KCTD9: variants seen among roughly 807,000 people sequenced by gnomAD.
KCTD9 encodes the protein BTB/POZ domain-containing protein KCTD9.
KCTD9 carries 17 observed loss-of-function variants against 53.3 expected under a neutral mutation model. The ratio of observed to expected loss-of-function variants is 0.32; its 90% CI spans 0.22 to 0.48. The LOEUF is 0.48. KCTD9 is among the 20% of genes least tolerant of loss of function. KCTD9 has a pLI of 0.99. For synonymous variants in KCTD9, 128 were observed against 162.7 expected, an observed-to-expected ratio of 0.79 and a Z score of 1.62; for missense variants, 179 against 465.5, an observed-to-expected ratio of 0.38 and a Z score of 5.66.
chr8:25,432,633 A>G lies in KCTD9; in HGVS notation c.924T>C (p.Ala308=). 1 of 1,610,970 alleles carries G rather than the reference A, an allele frequency of 6.2e-7. No individual in the cohort carries two copies. Among genetic ancestry groups the G allele is most frequent in the Non-Finnish European group, 8.5e-7 (1 of 1,178,578 alleles). The change falls in exon 11 of 12, where the codon GCT becomes GCC. Residue 308 remains alanine (A), a synonymous_variant. Transcript: ENST00000221200. ...CTTCCATATCCACACCTTTCAGATT[A>G]GCACCTACAGTGAACACATTCTGGG... The part of the protein sequence containing the change: ...PSGLKANLEG[A]NLKGVDMEGS...
chr8:25,457,436 T>C, intron 1 of KCTD9: 1 of 938,502 alleles, frequency 1.1e-6, no homozygotes, highest in Non-Finnish European at 1.3e-6. Flanking sequence ...AGGAAGAGAA[T>C]TCGTTTTGGC....
At chr8:25,451,399 T>A (rs1228682762) in intron 1 of KCTD9, 2 of 152,200 alleles carry the variant, frequency 1.3e-5, no homozygotes, top group South Asian at 2.1e-4. Flanking sequence ...TAGTATATAC[T>A]AAGATTGTTT....
chr8:25,434,322 C>T (rs1043013841), intron 9 of KCTD9, among the ~76,000 whole-genome samples: 1 of 152,108 alleles, frequency 6.6e-6, no homozygotes, highest in Non-Finnish European at 1.5e-5. Context: ...ATGGTCTTGA[C>T]CTCAAGTGAT....
At chr8:25,433,188 T>G in intron 10 of KCTD9, 142 bp downstream of exon 10, 1 of 431,818 alleles carries the variant, frequency 2.3e-6, no homozygotes. Flanking sequence ...TCTTACCACT[T>G]TGGAAGTTCT....
chr8:25,450,455 C>G (rs1802299321), intron 1 of KCTD9: 5 of 983,474 alleles, frequency 5.1e-6, no homozygotes, highest in Non-Finnish European at 6.0e-6. Flanking sequence ...TTTTGTGTGA[C>G]AGTCATATTC....
chr8:25,451,881 C>T (rs528764498), intron 1 of KCTD9, among the ~76,000 whole-genome samples: 8 of 152,100 alleles, frequency 5.3e-5, no homozygotes, highest in Non-Finnish European at 1.0e-4. Flanking sequence ...TTGAATTCAA[C>T]TTTTATTGCC....
chr8:25,455,193 C>A (rs1025518368), intron 1 of KCTD9, among the ~76,000 whole-genome samples: 3 of 151,858 alleles, frequency 2.0e-5, no homozygotes, highest in African/African-American at 7.3e-5. Flanking sequence ...CCACTTCACT[C>A]CAGCCTGGGT....
intron 1 of KCTD9, among the ~76,000 whole-genome samples, chr8:25,457,941 C>T (rs907050042): frequency 4.6e-5 from 7 of 150,956 alleles, no homozygotes; most frequent in Middle Eastern, 3.2e-3. Context: ...ACCAAGCATC[C>T]GGGAGACCCG....
intron 11 of KCTD9, among the ~76,000 whole-genome samples, 193 bp downstream of exon 11, chr8:25,432,311 A>G (rs555442452): frequency 1.6e-4 from 25 of 152,358 alleles, no homozygotes; most frequent in Admixed American, 9.1e-4. Context: ...TAGATAACAC[A>G]TCTATCAAAC....
intron 3 of KCTD9, among the ~76,000 whole-genome samples, chr8:25,442,536 T>C (rs1189413625): frequency 2.6e-5 from 4 of 152,214 alleles, no homozygotes; most frequent in Non-Finnish European, 5.9e-5. Context: ...AGATGGTGGA[T>C]GGCAATGGCA....
chr8:25,437,473 G>A (rs1412110768), intron 6 of KCTD9, among the ~76,000 whole-genome samples: 34 of 151,934 alleles, frequency 2.2e-4, no homozygotes, highest in Admixed American at 8.5e-4. Context: ...TCAGGAGTTC[G>A]AGACCAGCCT....
intron 1 of KCTD9, chr8:25,450,491 G>T: frequency 1.0e-6 from 1 of 974,874 alleles, no homozygotes; most frequent in Non-Finnish European, 1.2e-6. Flanking sequence ...ACTGTCATTA[G>T]GGTAAAAAAA....
intron 1 of KCTD9, chr8:25,450,426 T>C (rs1325530608): frequency 2.0e-6 from 2 of 984,428 alleles, no homozygotes; most frequent in Admixed American, 6.1e-5. Flanking sequence ...ATGTTGAGTG[T>C]TGAAGTAGGA....
At chr8:25,448,778 G>C (rs1398393327) in intron 1 of KCTD9, among the ~76,000 whole-genome samples, 1 of 152,088 alleles carries the variant, frequency 6.6e-6, no homozygotes, top group African/African-American at 2.4e-5. Flanking sequence ...AGCCGGGCGT[G>C]GTGGCGTGTG....
At chr8:25,455,781 G>T (rs749476395) in intron 1 of KCTD9, among the ~76,000 whole-genome samples, 3 of 152,202 alleles carry the variant, frequency 2.0e-5, no homozygotes, top group Non-Finnish European at 4.4e-5. Context: ...ACATGTGAAG[G>T]CCGTCCCTTC....
Position 25,450,531 on chromosome 8 carries a change from T to G in KCTD9, c.49-4281A>C, listed in dbSNP as rs539172016. On this transcript the variant is annotated intron_variant, in intron 1 of 11. Coordinates refer to ENST00000221200, the MANE Select transcript of KCTD9 (RefSeq NM_017634.4). Reference sequence around the variant, plus strand: ...CAGTATAAATGCAATTCTAAAGCAGTCTGGGCATGGTGGCTCAAGCCTGTA... The same window carrying G: ...CAGTATAAATGCAATTCTAAAGCAGGCTGGGCATGGTGGCTCAAGCCTGTA... 3.8e-5 allele frequency: 33 copies of G among 861,080 alleles called. 1 individual carries two copies. The highest frequency in any genetic ancestry group is 4.5e-5 in the Non-Finnish European group (32 of 716,722). The allele number at this position is 861,080 out of a possible 1,614,324, so 53.3% of individuals were successfully genotyped here.
intron 1 of KCTD9, among the ~76,000 whole-genome samples, chr8:25,449,523 T>G (rs1802278964): frequency 6.6e-6 from 1 of 152,030 alleles, no homozygotes; most frequent in Non-Finnish European, 1.5e-5. Flanking sequence ...ATACACTAAC[T>G]TGAATTGTCG....
chr8:25,450,975 C>A (rs1053054212), intron 1 of KCTD9, among the ~76,000 whole-genome samples: 1 of 152,068 alleles, frequency 6.6e-6, no homozygotes, highest in African/African-American at 2.4e-5. Context: ...AGTGAAATAA[C>A]CAAAGGGTGG....
chr8:25,437,140 G>A (rs1802031626), intron 6 of KCTD9, among the ~76,000 whole-genome samples: 1 of 152,196 alleles, frequency 6.6e-6, no homozygotes, highest in Admixed American at 6.5e-5. Context: ...CCAAGGTACA[G>A]CATCGGGCTA....
Sources: gnomAD v4.1 joint callset for allele counts (sites outside exome capture counted in the v4.1 genomes callset) on GRCh38, gnomAD v4.1.1 for gene constraint, MANE v1.5 for transcripts, NCBI Gene and HGNC (gene_info 2026-07-23, HGNC 2026-07-21) for gene names.